The following SDCCAG8 variants were observed in gnomAD, a reference collection of about 807,000 sequenced individuals.
SDCCAG8 encodes the protein serologically defined colon cancer antigen 8.
SDCCAG8 carries 74 observed loss-of-function variants against 101.8 expected under a neutral mutation model. That is an observed-to-expected ratio of 0.73 (90% confidence interval 0.60 to 0.88). The LOEUF is 0.88. SDCCAG8 is among the 40% of genes least tolerant of loss of function. The pLI is 0.00. For missense variants in SDCCAG8, 787 were observed against 822.6 expected, an observed-to-expected ratio of 0.96 and a Z score of 0.53; for synonymous variants, 281 against 292.9, an observed-to-expected ratio of 0.96 and a Z score of 0.41.
At chr1:243,309,217 T>C (rs981864060) in intron 8 of SDCCAG8, among the ~76,000 whole-genome samples, 6 of 152,132 alleles carry the variant, frequency 3.9e-5, no homozygotes, top group Non-Finnish European at 7.4e-5. Context: ...ACTGCTTGGG[T>C]TCATATTCTG....
intron 13 of SDCCAG8, among the ~76,000 whole-genome samples, chr1:243,384,009 T>C (rs369157342): frequency 6.9e-4 from 105 of 152,322 alleles, no homozygotes; most frequent in African/African-American, 2.5e-3. Context: ...TCCCCATTGA[T>C]TCTTGTCAGA....
chr1:243,321,344 A>C (rs2073740232), intron 9 of SDCCAG8, among the ~76,000 whole-genome samples: 1 of 152,124 alleles, frequency 6.6e-6, no homozygotes, highest in Non-Finnish European at 1.5e-5. Context: ...GGTATTGAGC[A>C]TAGTGCCCCA....
rs67568926 is a variant in SDCCAG8 at position 243,306,084 on chromosome 1, TAAAA to T, written c.740+1327_740+1330del. 120 of 108,244 alleles carry T rather than the reference TAAAA, an allele frequency of 1.1e-3. 2 individuals are homozygous for T. The South Asian group carries it at 0.013, about 12-fold the overall frequency. The allele number at this position is 108,244 out of a possible 1,614,324, so 6.7% of individuals were successfully genotyped here. On this transcript the variant is annotated intron_variant, in intron 7 of 17. Coordinates refer to ENST00000366541, the MANE Select transcript of SDCCAG8 (RefSeq NM_006642.5). Reference sequence around the variant, plus strand: ...CTGGGTGACAGAGGGAGACTCCATCTAAAAAAAAAAAAAAAAAAAAAAACCGAGC... The same window carrying T: ...CTGGGTGACAGAGGGAGACTCCATCTAAAAAAAAAAAAAAAAAAACCGAGC...
At chr1:243,368,416 A>C (rs2077107185) in intron 12 of SDCCAG8, among the ~76,000 whole-genome samples, 1 of 152,140 alleles carries the variant, frequency 6.6e-6, no homozygotes, top group Non-Finnish European at 1.5e-5. Context: ...AGACCATCAT[A>C]TTTAAATGTC....
intron 1 of SDCCAG8, among the ~76,000 whole-genome samples, chr1:243,263,295 C>G (rs1469707888): frequency 6.6e-6 from 1 of 152,106 alleles, no homozygotes; most frequent in African/African-American, 2.4e-5. Flanking sequence ...GCCAGGGATG[C>G]TATTAAACTG....
intron 13 of SDCCAG8, among the ~76,000 whole-genome samples, 173 bp from the exon 14 acceptor site, chr1:243,415,529 T>C (rs1226090444): frequency 1.3e-5 from 2 of 152,210 alleles, no homozygotes; most frequent in Non-Finnish European, 2.9e-5. Context: ...TAACACTGTA[T>C]GGAAGGTTGT....
At chr1:243,401,473 A>T (rs2079392921) in intron 13 of SDCCAG8, among the ~76,000 whole-genome samples, 1 of 152,220 alleles carries the variant, frequency 6.6e-6, no homozygotes, top group Non-Finnish European at 1.5e-5. Context: ...TGATATAAGG[A>T]TGATTACTAG....
chr1:243,423,568 C>T (rs1380306459), intron 15 of SDCCAG8, among the ~76,000 whole-genome samples: 1 of 152,054 alleles, frequency 6.6e-6, no homozygotes, highest in Non-Finnish European at 1.5e-5. Flanking sequence ...AATAATAATA[C>T]AACAAAAACT....
At chr1:243,268,302 A>C (rs780886483) in intron 1 of SDCCAG8, among the ~76,000 whole-genome samples, 1 of 152,234 alleles carries the variant, frequency 6.6e-6, no homozygotes, top group South Asian at 2.1e-4. Context: ...CTTATCATGT[A>C]ACACTTTGAT....
chr1:243,430,437 T>C (rs959219707), intron 16 of SDCCAG8, among the ~76,000 whole-genome samples: 7 of 152,048 alleles, frequency 4.6e-5, no homozygotes, highest in Admixed American at 4.6e-4. Context: ...TTTTTGTTTT[T>C]ATTTTATTTT....
chr1:243,284,868 A>G (rs532840897), intron 4 of SDCCAG8, among the ~76,000 whole-genome samples: 17 of 151,480 alleles, frequency 1.1e-4, no homozygotes, highest in Non-Finnish European at 2.2e-4. Context: ...CAGTCCTTCT[A>G]TGACTGGGTC....
At chr1:243,476,490 AC>A in intron 16 of SDCCAG8, 1 of 457,736 alleles carries the variant, frequency 2.2e-6, no homozygotes, top group Non-Finnish European at 2.9e-6. Context: ...GGAAGACCTC[AC>A]CACAGTGTGG....
In SDCCAG8 at chr1:243,458,570, A is replaced by G. The variant is rs1658321362; in HGVS notation, c.1986-30444A>G. Reference sequence around the variant, plus strand: ...TGAAGCGAGTACTAGCAATATCCCCATTTTAACAATGAGGAAACTGAGGCA... The same window carrying G: ...TGAAGCGAGTACTAGCAATATCCCCGTTTTAACAATGAGGAAACTGAGGCA... On this transcript the variant is annotated intron_variant, in intron 16 of 17. Coordinates refer to ENST00000366541, the MANE Select transcript of SDCCAG8 (RefSeq NM_006642.5). This position sits in a 1 kb window ranked among gnomAD's most constrained non-coding sequence, Gnocchi z 4.5. 6.6e-6 allele frequency among the ~76,000 whole-genome samples: 1 copy of G among 152,128 alleles called. No homozygotes were observed. Among genetic ancestry groups the G allele is most frequent in the Admixed American group, 6.6e-5 (1 of 15,264 alleles).
chr1:243,258,696 G>A (rs930411722), intron 1 of SDCCAG8, among the ~76,000 whole-genome samples: 141 of 152,290 alleles, frequency 9.3e-4, no homozygotes, highest in African/African-American at 3.2e-3. Context: ...GAGCCACCGC[G>A]CCCGGCTGAT....
chr1:243,270,293 A>AT, intron 2 of SDCCAG8, 36 bp downstream of exon 2: 1 of 1,595,240 alleles, frequency 6.3e-7, no homozygotes, highest in South Asian at 1.1e-5. Context: ...TGAATGATGC[A>AT]TAGTGAATTT....
chr1:243,351,794 A>G (rs895328732), intron 12 of SDCCAG8, among the ~76,000 whole-genome samples: 1 of 152,220 alleles, frequency 6.6e-6, no homozygotes, highest in Non-Finnish European at 1.5e-5. Context: ...TATTGATTGA[A>G]CTTATTTTTC....
intron 11 of SDCCAG8, among the ~76,000 whole-genome samples, chr1:243,342,563 G>A (rs903511071): frequency 2.0e-5 from 3 of 152,196 alleles, no homozygotes; most frequent in Admixed American, 6.5e-5. Flanking sequence ...TTGGTGTTGG[G>A]TTTTAAACAT....
intron 13 of SDCCAG8, among the ~76,000 whole-genome samples, chr1:243,395,732 G>T (rs2078995592): frequency 6.6e-6 from 1 of 151,966 alleles, no homozygotes; most frequent in Non-Finnish European, 1.5e-5. Flanking sequence ...CTGAAAAACT[G>T]CTTTGATAAA....
intron 16 of SDCCAG8, among the ~76,000 whole-genome samples, chr1:243,431,092 G>C (rs574620809): frequency 5.3e-5 from 8 of 152,156 alleles, no homozygotes; most frequent in Non-Finnish European, 1.0e-4. Context: ...AGCTACTCGG[G>C]AGGGTGAGGC....
Sources: allele counts gnomAD v4.1 joint callset (sites outside exome capture counted in the v4.1 genomes callset), GRCh38; gene constraint gnomAD v4.1.1; non-coding constraint Gnocchi (gnomAD v3.1); transcripts MANE v1.5; gene names NCBI Gene and HGNC (gene_info 2026-07-23, HGNC 2026-07-21).